SNX13: variants seen among roughly 807,000 people sequenced by gnomAD.
The protein encoded by SNX13 is sorting nexin 13.
Under a neutral mutation model 133.6 loss-of-function variants are expected in SNX13, and 45 were observed. That is an observed-to-expected ratio of 0.34 (90% CI 0.27 to 0.43). The LOEUF (loss-of-function observed/expected upper bound fraction) is 0.43. SNX13 is among the 20% of genes least tolerant of loss of function. SNX13 has a pLI of 1.00. For synonymous variants in SNX13, 414 were observed against 373.9 expected (o/e 1.11, Z -1.24); for missense variants, 1,032 against 1,145.1 (o/e 0.90, Z 1.43).
chr7:17,871,143 T>C (rs766348938), intron 8 of SNX13, among the ~76,000 whole-genome samples: 61 of 152,086 alleles, frequency 4.0e-4, no homozygotes, highest in Admixed American at 9.2e-4. Context: ...GTAGCTGGGA[T>C]GACAGGCGCC....
intron 1 of SNX13, among the ~76,000 whole-genome samples, chr7:17,903,014 T>C (rs1446436263): frequency 6.6e-6 from 1 of 152,156 alleles, no homozygotes; most frequent in East Asian, 1.9e-4. Flanking sequence ...GGAAAAATTG[T>C]CTTCCATGAA....
intron 1 of SNX13, among the ~76,000 whole-genome samples, chr7:17,918,517 A>T (rs1799794077): frequency 6.6e-6 from 1 of 152,238 alleles, no homozygotes; most frequent in African/African-American, 2.4e-5. Flanking sequence ...CATATTTTTT[A>T]AAATGCTTAT....
At chr7:17,830,865 T>C in intron 15 of SNX13, 1 of 984,332 alleles carries the variant, frequency 1.0e-6, no homozygotes, top group African/African-American at 1.7e-5. Flanking sequence ...GTTCTCTAAA[T>C]GGGTCTTCAA....
chr7:17,828,981 G>C (rs1788195461), intron 16 of SNX13, among the ~76,000 whole-genome samples: 1 of 151,370 alleles, frequency 6.6e-6, no homozygotes. Context: ...TAAAGCTCTG[G>C]ACTATAACAA....
chr7:17,823,115 A>C (rs954852476), intron 17 of SNX13, among the ~76,000 whole-genome samples: 1 of 152,206 alleles, frequency 6.6e-6, no homozygotes, highest in African/African-American at 2.4e-5. Flanking sequence ...AAATGCTATC[A>C]AAATCAAGAT....
intron 15 of SNX13, chr7:17,831,136 A>AT (rs908626887): frequency 1.0e-6 from 1 of 984,282 alleles, no homozygotes; most frequent in African/African-American, 1.8e-5. Flanking sequence ...TTAAAGGAGA[A>AT]TTTGGGAGCA....
intron 19 of SNX13, 138 bp downstream of exon 19, chr7:17,816,044 T>C: frequency 2.3e-6 from 2 of 877,948 alleles, no homozygotes; most frequent in Non-Finnish European, 3.3e-6. Flanking sequence ...CACGTCACAT[T>C]TGACATGCTG....
chr7:17,930,992 C>CT, intron 1 of SNX13, among the ~76,000 whole-genome samples: 1 of 152,294 alleles, frequency 6.6e-6, no homozygotes, highest in East Asian at 1.9e-4. Flanking sequence ...CGTGGAAAAA[C>CT]TGTCTTCCAC....
In SNX13 at chr7:17,814,819, G is replaced by T; in HGVS notation, c.2064+15C>A. On this transcript the variant is annotated intron_variant, in intron 20 of 25. Transcript: ENST00000428135. ...GACCTAGAAAGAAACCCAGTGCAGT[G>T]GTCTGCTTACTTACCTTGCGAGCAA... is the stretch of plus-strand genomic sequence containing the variant. 1 of 1,500,852 alleles carries T rather than the reference G, an allele frequency of 6.7e-7. No homozygotes were observed. Among genetic ancestry groups the T allele is most frequent in the African/African-American group, 1.4e-5 (1 of 69,212 alleles). 93.0% of individuals were successfully genotyped at this position (1,500,852 alleles called of 1,614,324 possible).
intron 1 of SNX13, among the ~76,000 whole-genome samples, chr7:17,937,001 T>TA (rs1163450404): frequency 1.1e-4 from 9 of 83,874 alleles, no homozygotes; most frequent in South Asian, 6.2e-4. Context: ...AAACTAACAT[T>TA]AAAAAAAATA....
intron 12 of SNX13, among the ~76,000 whole-genome samples, chr7:17,840,389 G>A (rs761712691): frequency 4.9e-4 from 74 of 152,056 alleles, no homozygotes; most frequent in Middle Eastern, 6.8e-3. Context: ...AAATGAAAAT[G>A]TATAGAGGTT....
intron 25 of SNX13, chr7:17,795,293 A>G (rs796102801): frequency 5.3e-5 from 8 of 151,804 alleles, no homozygotes; most frequent in African/African-American, 1.9e-4. Flanking sequence ...TACTGATAAT[A>G]TAGATATTAT....
At chr7:17,833,555 A>T (rs1788768337) in intron 15 of SNX13, among the ~76,000 whole-genome samples, 1 of 151,614 alleles carries the variant, frequency 6.6e-6, no homozygotes, top group South Asian at 2.1e-4. Flanking sequence ...GAAAAAACTG[A>T]AGGTTGGGAT....
At position 17,796,869 on chromosome 7, in the gene SNX13, T is replaced by C; in HGVS notation, c.2584A>G (p.Thr862Ala). Reference protein sequence around the residue: ...PCRDKSIRMRTRVAGKTKLLA... With the variant: ...PCRDKSIRMRARVAGKTKLLA... ...AATTTCGTTTTTCCTGCTACTCTTG[T>C]TCTCATTCGAATACTTTTATCTCTG... is the stretch of plus-strand genomic sequence containing the variant. Residue 862 changes from threonine (T) to alanine (A), a missense_variant, in exon 25 of 26, where the codon ACA (threonine) becomes GCA (alanine). Transcript: ENST00000428135. 6.2e-7 allele frequency: 1 copy of C among 1,611,296 alleles called. No individual in the cohort carries two copies. The highest frequency in any genetic ancestry group is 1.1e-5 in the South Asian group (1 of 91,010).
chr7:17,811,477 A>G (rs561192274), intron 20 of SNX13, among the ~76,000 whole-genome samples: 56 of 152,312 alleles, frequency 3.7e-4, no homozygotes, highest in Non-Finnish European at 4.6e-4. Context: ...ACTACAAACT[A>G]CTGCTCAAGG....
chr7:17,823,738 G>C (rs931750578), intron 17 of SNX13, among the ~76,000 whole-genome samples: 1 of 152,132 alleles, frequency 6.6e-6, no homozygotes, highest in Non-Finnish European at 1.5e-5. Context: ...TCACGTTAGA[G>C]AACCACCATT....
At chr7:17,811,899 G>T (rs1464832440) in intron 20 of SNX13, among the ~76,000 whole-genome samples, 1 of 152,040 alleles carries the variant, frequency 6.6e-6, no homozygotes, top group East Asian at 1.9e-4. Flanking sequence ...AATAGGGAAA[G>T]GATTTTCTAT....
chr7:17,895,739 GGTTTTAT>G (rs1797134485), intron 2 of SNX13, among the ~76,000 whole-genome samples: 1 of 151,930 alleles, frequency 6.6e-6, no homozygotes, highest in Non-Finnish European at 1.5e-5. Flanking sequence ...TGCAGGATCT[GGTTTTAT>G]TAAAGATTAA....
At chr7:17,853,489 C>T (rs1791495281) in intron 9 of SNX13, among the ~76,000 whole-genome samples, 1 of 152,148 alleles carries the variant, frequency 6.6e-6, no homozygotes, top group Admixed American at 6.5e-5. Context: ...TGGAAGTTGA[C>T]TTCTAATTAG....
Sources: allele counts gnomAD v4.1 joint callset (sites outside exome capture counted in the v4.1 genomes callset), GRCh38; gene constraint gnomAD v4.1.1; transcripts MANE v1.5; gene names NCBI Gene and HGNC (gene_info 2026-07-23, HGNC 2026-07-21).